GPR137B: variants seen among roughly 807,000 people sequenced by gnomAD.
GPR137B encodes integral membrane protein GPR137B.
A neutral mutation model predicts 42.5 loss-of-function variants in GPR137B; 42 were observed. The observed-to-expected ratio is 0.99, with a 90% CI of 0.77 to 1.28. The LOEUF (loss-of-function observed/expected upper bound fraction) is 1.28, where lower values mean the gene tolerates loss of function less well. Ranked by LOEUF, GPR137B falls within the 50% of genes most tolerant of loss-of-function variation. The pLI is 0.00. For synonymous variants in GPR137B, 218 were observed against 209.7 expected, an observed-to-expected ratio of 1.04 and a Z score of -0.34; for missense variants, 487 against 493.9, an observed-to-expected ratio of 0.99 and a Z score of 0.13.
chr1:236,169,882 A>G (rs1417686666), intron 2 of GPR137B, among the ~76,000 whole-genome samples: 1 of 152,056 alleles, frequency 6.6e-6, no homozygotes, highest in Admixed American at 6.5e-5. Context: ...TCTACTAAAA[A>G]TACAAAAATT....
chr1:236,190,505 G>A (rs1169443523), intron 5 of GPR137B, among the ~76,000 whole-genome samples: 1 of 152,182 alleles, frequency 6.6e-6, no homozygotes, highest in Non-Finnish European at 1.5e-5. Flanking sequence ...CTTCCTTCAG[G>A]AGGTCTTGTA....
Position 236,152,523 on chromosome 1 carries a change from C to T in GPR137B, c.414+9487C>T, listed in dbSNP as rs746967343. Among the ~76,000 whole-genome samples, 44 of 151,534 alleles carry T rather than the reference C, an allele frequency of 2.9e-4. No individual in the cohort carries two copies. In the Middle Eastern group the frequency reaches 0.017, roughly 59 times the overall value. ...CTGTAATCCCAGCACTTTGGGAGGC[C>T]GAGGCGGGTGGATCATCTGAGGTCA... is the stretch of plus-strand genomic sequence containing the variant. On this transcript the variant is annotated intron_variant, in intron 1 of 6. Coordinates refer to ENST00000366592, the MANE Select transcript of GPR137B (RefSeq NM_003272.4).
intron 5 of GPR137B, among the ~76,000 whole-genome samples, chr1:236,192,265 T>C (rs543939095): frequency 3.9e-5 from 6 of 152,034 alleles, no homozygotes; most frequent in Non-Finnish European, 5.9e-5. Flanking sequence ...CTGGGCTCCG[T>C]TGGGGTGGGA....
chr1:236,151,273 C>A (rs1368304520), intron 1 of GPR137B, among the ~76,000 whole-genome samples: 1 of 152,076 alleles, frequency 6.6e-6, no homozygotes, highest in Non-Finnish European at 1.5e-5. Context: ...TTTTATGTTT[C>A]CTGCAGCTGA....
At chr1:236,173,022 G>C (rs1662588716) in intron 2 of GPR137B, among the ~76,000 whole-genome samples, 1 of 151,498 alleles carries the variant, frequency 6.6e-6, no homozygotes, top group Admixed American at 6.6e-5. Flanking sequence ...TGAAAAAGCA[G>C]CGGCTCATGT....
chr1:236,205,289 GGGAAGGGTTACACCA>G (rs773608709), intron 6 of GPR137B, 39 bp downstream of exon 6: 1 of 1,581,358 alleles, frequency 6.3e-7, no homozygotes, highest in South Asian at 1.1e-5. Context: ...CTCATCAGGA[GGGAAGGGTTACACCA>G]GTTAAATAGA....
intron 5 of GPR137B, among the ~76,000 whole-genome samples, chr1:236,193,968 A>C (rs768079735): frequency 1.3e-5 from 2 of 152,218 alleles, no homozygotes; most frequent in African/African-American, 4.8e-5. Flanking sequence ...GATTTACAAC[A>C]GTTCAACTTA....
chr1:236,208,151 T>C lies in GPR137B; in HGVS notation c.1193T>C (p.Leu398Pro), dbSNP rs1192328419. The change falls in exon 7 of 7, where the codon CTT (leucine) becomes CCT (proline). Residue 398 changes from leucine to proline, a missense_variant. Transcript: ENST00000366592. ...ACTTTGGATCCTGACAAACCAAGCC[T>C]TGGGTAGCATCAGTTAACAGTTTTA... ...DSTLDPDKPS[L>P]G 1 of 1,613,622 alleles carries C rather than the reference T, an allele frequency of 6.2e-7. No homozygotes were observed. The highest frequency in any genetic ancestry group is 1.7e-5 in the Admixed American group (1 of 59,994).
intron 6 of GPR137B, chr1:236,207,098 T>G (rs1175608987): frequency 1.0e-6 from 1 of 977,914 alleles, no homozygotes. Context: ...TTAGAAAACT[T>G]TTTAAGAGAG....
intron 1 of GPR137B, among the ~76,000 whole-genome samples, chr1:236,158,618 A>T (rs1355271810): frequency 6.6e-6 from 1 of 152,240 alleles, no homozygotes; most frequent in African/African-American, 2.4e-5. Context: ...AGCGTGTGTG[A>T]TAGAGACTGG....
At chr1:236,181,298 A>G (rs1024104175) in intron 4 of GPR137B, among the ~76,000 whole-genome samples, 1 of 152,190 alleles carries the variant, frequency 6.6e-6, no homozygotes, top group African/African-American at 2.4e-5. Context: ...CAAAGCAACA[A>G]TGAGAATGAA....
At chr1:236,178,177 A>G (rs1244297160) in intron 2 of GPR137B, among the ~76,000 whole-genome samples, 3 of 152,172 alleles carry the variant, frequency 2.0e-5, no homozygotes, top group Admixed American at 2.0e-4. Flanking sequence ...GTGAGCTCTC[A>G]GTCCTCACAA....
At chr1:236,186,228 A>AC (rs1553365154) in intron 5 of GPR137B, among the ~76,000 whole-genome samples, 1 of 24,278 alleles carries the variant, frequency 4.1e-5, no homozygotes, top group African/African-American at 1.2e-4. Context: ...TATATAATAT[A>AC]ATATATAATA....
intron 1 of GPR137B, among the ~76,000 whole-genome samples, chr1:236,168,165 A>G (rs193258993): frequency 0.013 from 1,916 of 152,236 alleles, 45 homozygotes; most frequent in African/African-American, 0.041. Flanking sequence ...GGTGGCTCAC[A>G]CCTGTAATCC....
chr1:236,152,528 C>T (rs145648604), intron 1 of GPR137B, among the ~76,000 whole-genome samples: 1,797 of 151,888 alleles, frequency 0.012, 22 homozygotes, highest in Admixed American at 0.035. Flanking sequence ...GAGGCCGAGG[C>T]GGGTGGATCA....
At chr1:236,190,702 C>T (rs535741886) in intron 5 of GPR137B, among the ~76,000 whole-genome samples, 20 of 152,332 alleles carry the variant, frequency 1.3e-4, no homozygotes, top group South Asian at 6.2e-4. Context: ...GAGACAGCTG[C>T]TCTTTGTCTG....
chr1:236,142,760 C>G lies in GPR137B; in HGVS notation c.138C>G (p.Thr46=). 6.2e-7 allele frequency: 1 copy of G among 1,613,146 alleles called. No homozygotes were observed. Among genetic ancestry groups the G allele is most frequent in the Non-Finnish European group, 8.5e-7 (1 of 1,179,922 alleles). The change falls in exon 1 of 7, where the codon ACC becomes ACG. Residue 46 remains threonine, a synonymous_variant. Transcript: ENST00000366592. The part of the protein sequence containing the change: ...AVPPYVKLGL[T]VVYTVFYALL... Reference sequence around the variant, plus strand: ...CCCCCTACGTGAAGCTTGGCCTCACCGTCGTCTACACCGTGTTCTACGCGC... The same window carrying G: ...CCCCCTACGTGAAGCTTGGCCTCACGGTCGTCTACACCGTGTTCTACGCGC...
chr1:236,180,361 A>G (rs1272894081), intron 4 of GPR137B, among the ~76,000 whole-genome samples: 1 of 149,620 alleles, frequency 6.7e-6, no homozygotes, highest in Non-Finnish European at 1.5e-5. Context: ...GAACCCGCTG[A>G]TATGGAGGGC....
chr1:236,174,966 C>T lies in GPR137B; in HGVS notation c.465-3448C>T, dbSNP rs370665386. Among the ~76,000 whole-genome samples the T allele has an allele frequency of 8.5e-5, 13 of 152,066 alleles. 1 individual carries two copies. The highest frequency in any genetic ancestry group is 6.6e-4 in the Admixed American group (10 of 15,262). On this transcript the variant is annotated intron_variant, in intron 2 of 6. Coordinates refer to ENST00000366592, the MANE Select transcript of GPR137B (RefSeq NM_003272.4). The stretch of plus-strand genomic sequence containing the variant: ...CTCAGATCAAAGGCATGGCTTGAGA[C>T]GAAAGATGTTTGAACTCAGTCATAC...
Sources: allele counts gnomAD v4.1 joint callset (sites outside exome capture counted in the v4.1 genomes callset), GRCh38; gene constraint gnomAD v4.1.1; transcripts MANE v1.5; gene names NCBI Gene and HGNC (gene_info 2026-07-23, HGNC 2026-07-21).